Variants in GABRB1 observed in about 807,000 individuals in gnomAD.
GABRB1 encodes the protein gamma-aminobutyric acid type A receptor subunit beta1.
In GABRB1, 17 loss-of-function variants were observed where a neutral mutation model predicts 51.6. The observed-to-expected ratio is 0.33, with a 90% confidence interval of 0.23 to 0.49. The LOEUF (loss-of-function observed/expected upper bound fraction) is 0.49, where lower values mean the gene tolerates loss of function less well. Among genes scored for constraint, GABRB1 ranks in the 20% least tolerant of loss-of-function variants. GABRB1 has a pLI of 0.99. For missense variants in GABRB1, 410 were observed against 600.6 expected, an observed-to-expected ratio of 0.68 and a Z score of 3.32; for synonymous variants, 247 against 218.9, an observed-to-expected ratio of 1.13 and a Z score of -1.14.
rs36209473 is a variant in GABRB1, at chr4:47,150,182, AACACAC to A, written c.241-11038_241-11033del. On this transcript the variant is annotated intron_variant, in intron 3 of 8. Coordinates refer to ENST00000295454, the MANE Select transcript of GABRB1 (RefSeq NM_000812.4). ...CCTATGCTTATACACACACACACAC[AACACAC>A]ACACACACACACACACACACACACA... Among the ~76,000 whole-genome samples, 644 of 141,592 alleles carry A rather than the reference AACACAC, an allele frequency of 4.5e-3. 5 individuals are homozygous for A. Among genetic ancestry groups the A allele is most frequent in the African/African-American group, 0.013 (494 of 38,172 alleles). 92.9% of individuals were successfully genotyped at this position (141,592 alleles called of 152,430 possible). A position where few individuals can be genotyped will look rare whatever the true frequency, so the allele number is the denominator to read the frequency against.
At chr4:47,373,664 G>A (rs994112721) in intron 5 of GABRB1, among the ~76,000 whole-genome samples, 3 of 152,154 alleles carry the variant, frequency 2.0e-5, no homozygotes, top group African/African-American at 4.8e-5. Context: ...CTTGAGCTGT[G>A]ATTTGTAAAT....
At chr4:47,269,728 A>G (rs951151256) in intron 4 of GABRB1, among the ~76,000 whole-genome samples, 8 of 151,550 alleles carry the variant, frequency 5.3e-5, no homozygotes, top group Non-Finnish European at 1.0e-4. Context: ...TGTGTCGGGG[A>G]TGATACACTA....
intron 4 of GABRB1, among the ~76,000 whole-genome samples, chr4:47,243,549 C>G (rs79690544): frequency 6.6e-6 from 1 of 152,086 alleles, no homozygotes; most frequent in Non-Finnish European, 1.5e-5. Context: ...TGTTTGTGTC[C>G]TCTTTTATTT....
chr4:47,161,176 C>T (rs1717940426), intron 3 of GABRB1, 73 bp from the exon 4 acceptor site: 2 of 1,010,206 alleles, frequency 2.0e-6, no homozygotes, highest in Non-Finnish European at 1.5e-6. Context: ...ACAGGACATC[C>T]TACATGTTAT....
At chr4:47,163,204 G>C (rs577483285) in intron 4 of GABRB1, among the ~76,000 whole-genome samples, 10 of 151,996 alleles carry the variant, frequency 6.6e-5, no homozygotes, top group African/African-American at 2.2e-4. Context: ...ATAGTAATGG[G>C]CTAATACCCC....
At chr4:47,268,513 T>C (rs1445482890) in intron 4 of GABRB1, among the ~76,000 whole-genome samples, 1 of 152,192 alleles carries the variant, frequency 6.6e-6, no homozygotes, top group Non-Finnish European at 1.5e-5. Flanking sequence ...TGAAATTTGA[T>C]TTAAATAATA....
intron 1 of GABRB1, among the ~76,000 whole-genome samples, chr4:47,013,592 T>C (rs1345092978): frequency 6.6e-6 from 1 of 152,228 alleles, no homozygotes; most frequent in East Asian, 1.9e-4. Context: ...TTACATTATT[T>C]AGGTTTAAGA....
chr4:47,133,359 C>G (rs1227889678), intron 3 of GABRB1, among the ~76,000 whole-genome samples: 1 of 152,110 alleles, frequency 6.6e-6, no homozygotes, highest in Non-Finnish European at 1.5e-5. Flanking sequence ...TGTGGGGAAA[C>G]AGAGCACTCT....
rs184574632 is a variant in GABRB1, at chr4:47,222,259, C to G, written c.461+60790C>G. On this transcript the variant is annotated intron_variant, in intron 4 of 8. Transcript: ENST00000295454. ...TTTTGGGGTTACAAATAGACTTTAG[C>G]AAGTAGGCAAATTAGTAAATATGGA... Among the ~76,000 whole-genome samples, 4 of 152,140 alleles carry G rather than the reference C, an allele frequency of 2.6e-5. No homozygotes were observed. In the East Asian group the frequency reaches 7.7e-4, roughly 29 times the overall value.
chr4:47,332,211 G>T (rs539085233), intron 5 of GABRB1, among the ~76,000 whole-genome samples: 1 of 152,262 alleles, frequency 6.6e-6, no homozygotes, highest in African/African-American at 2.4e-5. Flanking sequence ...AAATGCAATA[G>T]ATCACACAAT....
intron 3 of GABRB1, among the ~76,000 whole-genome samples, chr4:47,080,583 T>G (rs1436076510): frequency 6.6e-6 from 1 of 152,064 alleles, no homozygotes. Context: ...ATTACTTTAT[T>G]ATGTCTATTT....
At chr4:47,364,459 G>A (rs1442885221) in intron 5 of GABRB1, among the ~76,000 whole-genome samples, 1 of 151,878 alleles carries the variant, frequency 6.6e-6, no homozygotes, top group Non-Finnish European at 1.5e-5. Flanking sequence ...AAATGATAAA[G>A]ACAGAGAAGG....
At chr4:47,281,545 T>TCCAGAAGG (rs1723294477) in intron 4 of GABRB1, among the ~76,000 whole-genome samples, 1 of 152,164 alleles carries the variant, frequency 6.6e-6, no homozygotes, top group Admixed American at 6.5e-5. Flanking sequence ...CATTTCTGGA[T>TCCAGAAGG]ATATATCCAA....
intron 5 of GABRB1, among the ~76,000 whole-genome samples, chr4:47,348,372 CA>C (rs1478683177): frequency 6.6e-6 from 1 of 152,146 alleles, no homozygotes; most frequent in Non-Finnish European, 1.5e-5. Flanking sequence ...ACGAATTGCC[CA>C]CATTGGTGGC....
intron 4 of GABRB1, among the ~76,000 whole-genome samples, chr4:47,245,777 T>G (rs1218616703): frequency 6.6e-6 from 1 of 151,754 alleles, no homozygotes; most frequent in African/African-American, 2.4e-5. Flanking sequence ...TTTGAGAGAA[T>G]GAGGAGCATT....
chr4:47,425,525 G>GATCGATCT (rs1729252311), intron 8 of GABRB1, 149 bp from the exon 9 acceptor site: 12 of 615,314 alleles, frequency 2.0e-5, no homozygotes, highest in East Asian at 1.1e-4. Flanking sequence ...TAGATCGATC[G>GATCGATCT]ATCTATCTCC....
chr4:47,270,893 C>T (rs1722847793), intron 4 of GABRB1, among the ~76,000 whole-genome samples: 1 of 152,100 alleles, frequency 6.6e-6, no homozygotes, highest in African/African-American at 2.4e-5. Context: ...GATAACCAGC[C>T]CAGGTTAAAC....
chr4:47,214,625 G>A (rs781422396), intron 4 of GABRB1, among the ~76,000 whole-genome samples: 17 of 152,168 alleles, frequency 1.1e-4, no homozygotes, highest in Middle Eastern at 6.8e-3. Context: ...GCAAAATATG[G>A]TTATAAAAGT....
chr4:47,341,824 G>A (rs879422129), intron 5 of GABRB1, among the ~76,000 whole-genome samples: 10 of 152,084 alleles, frequency 6.6e-5, no homozygotes, highest in Non-Finnish European at 1.2e-4. Context: ...GCAATAAATA[G>A]GTCACCTGGT....
Sources: allele counts gnomAD v4.1 joint callset (sites outside exome capture counted in the v4.1 genomes callset), GRCh38; gene constraint gnomAD v4.1.1; transcripts MANE v1.5; gene names NCBI Gene and HGNC (gene_info 2026-07-23, HGNC 2026-07-21).